NUBP2: variants seen among roughly 807,000 people sequenced by gnomAD.
NUBP2 encodes the protein NUBP iron-sulfur cluster assembly factor 2, cytosolic.
In NUBP2, 23 loss-of-function variants were observed where a neutral mutation model predicts 24.9. That is an observed-to-expected ratio of 0.92 (90% CI 0.66 to 1.31). NUBP2 has a LOEUF of 1.31. Among genes scored for constraint, NUBP2 ranks in the 50% most tolerant of loss-of-function variants. NUBP2 has a pLI of 0.00. For synonymous variants in NUBP2, 186 were observed against 170.9 expected (o/e 1.09, Z -0.69); for missense variants, 403 against 386.5 (o/e 1.04, Z -0.36).
At chr16:1,787,372 C>G in intron 3 of NUBP2, 1 of 484,104 alleles carries the variant, frequency 2.1e-6, no homozygotes, top group Non-Finnish European at 3.7e-6. Flanking sequence ...TGGGTGCTCC[C>G]ATGTGTGGGT....
rs372270707 is a variant in NUBP2, at chr16:1,786,689, G to A, written c.135+34G>A. 1.6e-5 allele frequency: 25 copies of A among 1,611,974 alleles called. 1 individual carries two copies. Among genetic ancestry groups the A allele is most frequent in the Middle Eastern group, 1.6e-4 (1 of 6,082 alleles). ...CCTACCCCTCACTGGGCGGAGCCCC[G>A]GGCAGCTGCCCGCATCCCGGTGGAG... is the stretch of plus-strand genomic sequence containing the variant. On this transcript the variant is annotated intron_variant, in intron 2 of 6. Transcript: ENST00000262302.
Position 1,786,755 on chromosome 16 carries a change from A to G in NUBP2, c.136-2A>G. Reference sequence around the variant, plus strand: ...CGGCCTAGGCTGTGCCGCTCCTTGCAGGTGGGAATCCTGGATGTGGACCTG... The same window carrying G: ...CGGCCTAGGCTGTGCCGCTCCTTGCGGGTGGGAATCCTGGATGTGGACCTG... On this transcript the variant is annotated splice_acceptor_variant, in intron 2 of 6. Transcript: ENST00000262302. LOFTEE classifies it high-confidence loss of function. The G allele has an allele frequency of 6.2e-7, 1 of 1,611,362 alleles. No homozygotes were observed. The highest frequency in any genetic ancestry group is 8.5e-7 in the Non-Finnish European group (1 of 1,179,002).
intron 3 of NUBP2, chr16:1,787,192 T>C (rs1024172279): frequency 1.3e-5 from 6 of 464,714 alleles, no homozygotes; most frequent in Non-Finnish European, 2.3e-5. Context: ...ACCCTGGCCA[T>C]GGCATGCAGG....
Position 1,788,946 on chromosome 16 carries a change from G to A in NUBP2, c.*232G>A, listed in dbSNP as rs1452083870. On this transcript the variant is annotated 3_prime_UTR_variant, in exon 7 of 7. Coordinates refer to ENST00000262302, the MANE Select transcript of NUBP2 (RefSeq NM_012225.4). The stretch of plus-strand genomic sequence containing the variant: ...TGCTCTGCAGCTGTGAGACGGGGGC[G>A]GCCTGGGCTCTCTTCCCATCCATGT... 5 of 535,292 alleles carry A rather than the reference G, an allele frequency of 9.3e-6. No homozygotes were observed. The highest frequency in any genetic ancestry group is 1.3e-5 in the Non-Finnish European group (4 of 310,480). 33.2% of individuals were successfully genotyped at this position (535,292 alleles called of 1,614,324 possible).
Position 1,783,853 on chromosome 16 carries a change from C to G in NUBP2, c.16+817C>G, listed in dbSNP as rs1291678986. ...TGACTACAGGCGCCCGCCACCACGC[C>G]CGGCTAATTTTTTGTATTTTTAGTA... On this transcript the variant is annotated intron_variant, in intron 1 of 6. Transcript: ENST00000262302. 2.8e-5 allele frequency: 6 copies of G among 212,292 alleles called. No homozygotes were observed. The East Asian group carries it at 5.6e-4, about 20-fold the overall frequency. 13.2% of individuals were successfully genotyped at this position (212,292 alleles called of 1,614,324 possible).
At chr16:1,786,501 A>G in intron 1 of NUBP2, 36 bp from the exon 2 acceptor site, 7 of 1,540,994 alleles carry the variant, frequency 4.5e-6, no homozygotes, top group Non-Finnish European at 6.2e-6. Context: ...AGTGGGCACC[A>G]GGAGCCCTGA....
intron 1 of NUBP2, chr16:1,785,496 C>A (rs918537998): frequency 9.2e-6 from 11 of 1,192,326 alleles, no homozygotes; most frequent in Non-Finnish European, 1.2e-5. Flanking sequence ...TGACAGAGTC[C>A]CCGGCAGCTA....
At position 1,788,069 on chromosome 16, in the gene NUBP2, C is replaced by T; in HGVS notation, c.600+18C>T. On this transcript the variant is annotated intron_variant, in intron 5 of 6. Coordinates refer to ENST00000262302, the MANE Select transcript of NUBP2 (RefSeq NM_012225.4). Reference sequence around the variant, plus strand: ...ACTGCACGGTGAGTCCCGGGGGTTGCAGAGGGGGCGAGGCAGCACCTGGCC... The same window carrying T: ...ACTGCACGGTGAGTCCCGGGGGTTGTAGAGGGGGCGAGGCAGCACCTGGCC... The T allele has an allele frequency of 6.4e-7, 1 of 1,572,140 alleles. No individual in the cohort carries two copies. Among genetic ancestry groups the T allele is most frequent in the East Asian group, 2.3e-5 (1 of 44,400 alleles).
chr16:1,787,091 AG>A, intron 3 of NUBP2, 136 bp downstream of exon 3: 1 of 807,640 alleles, frequency 1.2e-6, no homozygotes, highest in Non-Finnish European at 1.9e-6. Flanking sequence ...GACCAGGCAC[AG>A]GGCTCAGGCT....
chr16:1,783,010 G>A lies in NUBP2; in HGVS notation c.-11G>A, dbSNP rs1896792461. On this transcript the variant is annotated 5_prime_UTR_variant, in exon 1 of 7. Coordinates refer to ENST00000262302, the MANE Select transcript of NUBP2 (RefSeq NM_012225.4). ...AGCGGACTGCAGCCGCGAGCTCCTG[G>A]AGGCGGCGGGATGGAGGCGGCGGCC... 7.2e-7 allele frequency: 1 copy of A among 1,393,352 alleles called. No individual in the cohort carries two copies. The allele number at this position is 1,393,352 out of a possible 1,614,324, so 86.3% of individuals were successfully genotyped here.
intron 1 of NUBP2, chr16:1,785,417 G>T: frequency 8.5e-7 from 1 of 1,171,140 alleles, no homozygotes; most frequent in South Asian, 1.6e-5. Context: ...CCAACGAGGA[G>T]AGCCCCTGGG....
chr16:1,783,596 T>C lies in NUBP2; in HGVS notation c.16+560T>C, dbSNP rs894080032. On this transcript the variant is annotated intron_variant, in intron 1 of 6. Transcript: ENST00000262302. ...GCCCTCCTGAGTAGTGGGAGCCGCA[T>C]TTATCTTCTAAGAGACCTCGAGTCC... is the stretch of plus-strand genomic sequence containing the variant. 3.3e-5 allele frequency: 22 copies of C among 674,522 alleles called. No individual in the cohort carries two copies. In the African/African-American group the frequency reaches 3.7e-4, roughly 11 times the overall value. The allele number at this position is 674,522 out of a possible 1,614,324, so 41.8% of individuals were successfully genotyped here.
intron 1 of NUBP2, chr16:1,783,514 G>T: frequency 1.0e-6 from 1 of 987,136 alleles, no homozygotes. Flanking sequence ...AGTGTAAGTT[G>T]CGCGGGACAG....
intron 1 of NUBP2, chr16:1,784,061 T>A: frequency 1.0e-6 from 1 of 979,740 alleles, no homozygotes; most frequent in Non-Finnish European, 1.2e-6. Flanking sequence ...ACGGATTTAC[T>A]ACAAAGTAAG....
chr16:1,785,845 G>A (rs1896938050), intron 1 of NUBP2: 1 of 1,289,152 alleles, frequency 7.8e-7, no homozygotes, highest in African/African-American at 1.5e-5. Flanking sequence ...CCAAGGACCT[G>A]TCGGGGATGG....
Position 1,787,841 on chromosome 16 carries a change from C to A in NUBP2, c.489+10C>A. The stretch of plus-strand genomic sequence containing the variant: ...GGTCACCACGCCCCAGGTAGCGCTG[C>A]GGCACCTTCCCGAGTCCCTGTGGGT... On this transcript the variant is annotated intron_variant, in intron 4 of 6. Transcript: ENST00000262302. 6.2e-7 allele frequency: 1 copy of A among 1,607,552 alleles called. No homozygotes were observed. Among genetic ancestry groups the A allele is most frequent in the Non-Finnish European group, 8.5e-7 (1 of 1,177,618 alleles).
chr16:1,785,764 G>A (rs907351834), intron 1 of NUBP2: 31 of 1,288,976 alleles, frequency 2.4e-5, no homozygotes, highest in African/African-American at 1.5e-4. Context: ...GCCTTTGAAC[G>A]TGCCCTTGAG....
Position 1,787,796 on chromosome 16 carries a change from C to A in NUBP2, c.454C>A (p.Gln152Lys). The A allele has an allele frequency of 6.2e-7, 1 of 1,612,080 alleles. No individual in the cohort carries two copies. ...MATIEALRPY[Q>K]PLGALVVTTP... The stretch of plus-strand genomic sequence containing the variant: ...CACCATAGAAGCCCTGCGTCCCTAC[C>A]AGCCCCTGGGGGCCCTCGTGGTCAC... Residue 152 changes from glutamine to lysine, a missense_variant, in exon 4 of 7, where the codon CAG (glutamine) becomes AAG (lysine). Transcript: ENST00000262302.
In NUBP2 at chr16:1,788,067, T is replaced by C; in HGVS notation, c.600+16T>C. 6.4e-7 allele frequency: 1 copy of C among 1,574,176 alleles called. No individual in the cohort carries two copies. The highest frequency in any genetic ancestry group is 8.6e-7 in the Non-Finnish European group (1 of 1,163,140). ...ACACTGCACGGTGAGTCCCGGGGGT[T>C]GCAGAGGGGGCGAGGCAGCACCTGG... is the stretch of plus-strand genomic sequence containing the variant. On this transcript the variant is annotated intron_variant, in intron 5 of 6. Coordinates refer to ENST00000262302, the MANE Select transcript of NUBP2 (RefSeq NM_012225.4).
Sources: allele counts gnomAD v4.1 joint callset, GRCh38; gene constraint gnomAD v4.1.1; transcripts MANE v1.5; gene names NCBI Gene and HGNC (gene_info 2026-07-23, HGNC 2026-07-21).